The following SLC25A3 variants were observed in gnomAD, a reference collection of about 807,000 sequenced individuals.
SLC25A3 encodes solute carrier family 25 member 3.
A neutral mutation model predicts 37.1 loss-of-function variants in SLC25A3; 14 were observed. That is an observed-to-expected ratio of 0.38 (90% CI 0.25 to 0.59). The LOEUF is 0.59. SLC25A3 is among the 20% of genes least tolerant of loss of function. SLC25A3 has a pLI of 0.67. For synonymous variants in SLC25A3, 161 were observed against 168.7 expected (o/e 0.95, Z 0.36); for missense variants, 385 against 458.1 (o/e 0.84, Z 1.46).
At chr12:98,596,661 A>G (rs554332524) in intron 3 of SLC25A3, among the ~76,000 whole-genome samples, 1 of 152,288 alleles carries the variant, frequency 6.6e-6, no homozygotes, top group South Asian at 2.1e-4. Flanking sequence ...AAGCTACTTA[A>G]AGAACTAGCA....
intron 3 of SLC25A3, chr12:98,597,505 T>G (rs891331721): frequency 2.3e-5 from 6 of 265,964 alleles, no homozygotes; most frequent in Non-Finnish European, 4.4e-5. Flanking sequence ...TCCACCTCCC[T>G]CCCTCAGGCT....
Position 98,601,162 on chromosome 12 carries a change from T to G in SLC25A3, c.815-9T>G, listed in dbSNP as rs2097597536. 2 of 1,611,684 alleles carry G rather than the reference T, an allele frequency of 1.2e-6. No individual in the cohort carries two copies. The highest frequency in any genetic ancestry group is 1.7e-6 in the Non-Finnish European group (2 of 1,179,190). ...CTGGCACTGTATGGGATCCTTTATC[T>G]TTTTTCAGCTGGAGTCTTTTGTGCA... On this transcript the variant is annotated splice_polypyrimidine_tract_variant and intron_variant, in intron 6 of 7. Coordinates refer to ENST00000552981, the MANE Select transcript of SLC25A3 (RefSeq NM_002635.4).
chr12:98,595,511 C>T (rs1199322592), intron 2 of SLC25A3: 3 of 1,613,780 alleles, frequency 1.9e-6, no homozygotes, highest in East Asian at 2.2e-5. Flanking sequence ...TGTGGCACAA[C>T]ACATACAGCA....
chr12:98,602,566 A>G lies in SLC25A3; in HGVS notation c.*1038A>G, dbSNP rs2097598741. ...AATGCCACTGGGGAAAAAGCATTCC[A>G]TCATACTTAGATACGAGATTGGATT... is the stretch of plus-strand genomic sequence containing the variant. On this transcript the variant is annotated 3_prime_UTR_variant, in exon 8 of 8. Transcript: ENST00000552981. 1 of 152,222 alleles carries G rather than the reference A, an allele frequency of 6.6e-6. No homozygotes were observed. The highest frequency in any genetic ancestry group is 2.4e-5 in the African/African-American group (1 of 41,468). The allele number at this position is 152,222 out of a possible 1,614,324, so 9.4% of individuals were successfully genotyped here. A position where few individuals can be genotyped will look rare whatever the true frequency, so the allele number is the denominator to read the frequency against.
rs775655572 is a variant in SLC25A3 at position 98,598,707 on chromosome 12, A to G, written c.641+4A>G. 6.2e-7 allele frequency: 1 copy of G among 1,611,952 alleles called. No individual in the cohort carries two copies. Among genetic ancestry groups the G allele is most frequent in the Admixed American group, 1.7e-5 (1 of 59,996 alleles). On this transcript the variant is annotated splice_donor_region_variant and intron_variant, in intron 5 of 7. Transcript: ENST00000552981. The stretch of plus-strand genomic sequence containing the variant: ...ATAAGGAAGAAGGCCTAAAAGCGTA[A>G]GTAAACACTTAAAAATTTATACTAT...
In SLC25A3 at chr12:98,595,202, A is replaced by G. The variant is rs2097591917; in HGVS notation, c.158-525A>G. 7.4e-6 allele frequency: 4 copies of G among 542,700 alleles called. No homozygotes were observed. In the Admixed American group the frequency reaches 9.6e-5, roughly 13 times the overall value. The allele number at this position is 542,700 out of a possible 1,614,324, so 33.6% of individuals were successfully genotyped here. On this transcript the variant is annotated intron_variant, in intron 2 of 7. Transcript: ENST00000552981. ...AAGCCGTTAATGTAGAAAACTTTTA[A>G]AAAAATTAATATGGCAGAATACGAG...
In SLC25A3 at chr12:98,598,657, T is replaced by C. The variant is rs113045059; in HGVS notation, c.595T>C (p.Leu199=). The change falls in exon 5 of 8, where the codon TTG becomes CTG. Residue 199 remains leucine (L), a synonymous_variant. Coordinates refer to ENST00000552981, the MANE Select transcript of SLC25A3 (RefSeq NM_002635.4). ...IQTQPGYANT[L]RDAAPKMYKE... The stretch of plus-strand genomic sequence containing the variant: ...AACCCAGCCAGGTTATGCCAACACT[T>C]TGAGGGATGCAGCTCCCAAAATGTA... 1.9e-4 allele frequency: 306 copies of C among 1,614,124 alleles called. 2 individuals are homozygous for C. The African/African-American group carries it at 3.6e-3, about 19-fold the overall frequency.
At position 98,601,524 on chromosome 12, in the gene SLC25A3, A is replaced by C; in HGVS notation, c.1082A>C (p.Gln361Pro). Residue 361 changes from glutamine to proline, a missense_variant, in exon 8 of 8, where the codon CAG (glutamine) becomes CCG (proline). Coordinates refer to ENST00000552981, the MANE Select transcript of SLC25A3 (RefSeq NM_002635.4). ...ESLKKKLGLT[Q>P] The stretch of plus-strand genomic sequence containing the variant: ...CTGAAGAAGAAGCTTGGGTTAACTC[A>C]GTAGTTAGATCAAAGCAAATGTGGA... The C allele has an allele frequency of 1.9e-6, 3 of 1,605,286 alleles. No homozygotes were observed. The highest frequency in any genetic ancestry group is 2.6e-6 in the Non-Finnish European group (3 of 1,171,918).
chr12:98,601,710 T>C lies in SLC25A3; in HGVS notation c.*182T>C. Reference sequence around the variant, plus strand: ...TGAAATAAACCCAACTCTTCATGATTTGCCTGTGACTTATTTTTAAAACTT... The same window carrying C: ...TGAAATAAACCCAACTCTTCATGATCTGCCTGTGACTTATTTTTAAAACTT... On this transcript the variant is annotated 3_prime_UTR_variant, in exon 8 of 8. Coordinates refer to ENST00000552981, the MANE Select transcript of SLC25A3 (RefSeq NM_002635.4). 1 of 610,788 alleles carries C rather than the reference T, an allele frequency of 1.6e-6. No individual in the cohort carries two copies. Among genetic ancestry groups the C allele is most frequent in the Admixed American group, 2.9e-5 (1 of 33,910 alleles). The allele number at this position is 610,788 out of a possible 1,614,324, so 37.8% of individuals were successfully genotyped here. A position where few individuals can be genotyped will look rare whatever the true frequency, so the allele number is the denominator to read the frequency against.
At chr12:98,600,254 C>G (rs1343237801) in intron 6 of SLC25A3, 127 bp downstream of exon 6, 2 of 727,352 alleles carry the variant, frequency 2.7e-6, no homozygotes, top group Non-Finnish European at 4.8e-6. Flanking sequence ...TTTGGTTTCC[C>G]TGAGGCATAG....
rs184761013 is a variant in SLC25A3, at chr12:98,605,634, A to G, written c.*4106A>G. On this transcript the variant is annotated 3_prime_UTR_variant, in exon 8 of 8. Transcript: ENST00000552981. The stretch of plus-strand genomic sequence containing the variant: ...GGAGTTCAAGAACAGCCTGGCCAAC[A>G]TGATGAAACCCCAGGTCTCTACTAA... 5.9e-5 allele frequency: 9 copies of G among 152,204 alleles called. No individual in the cohort carries two copies. Among genetic ancestry groups the G allele is most frequent in the African/African-American group, 2.2e-4 (9 of 41,526 alleles). The allele number at this position is 152,204 out of a possible 1,614,324, so 9.4% of individuals were successfully genotyped here.
At chr12:98,595,611 T>C in intron 2 of SLC25A3, 116 bp from the exon 3 acceptor site, 2 of 1,612,306 alleles carry the variant, frequency 1.2e-6, no homozygotes, top group East Asian at 4.5e-5. Flanking sequence ...ACTGTTAAGT[T>C]ATAAGATATA....
intron 2 of SLC25A3, chr12:98,595,500 C>T: frequency 2.5e-6 from 4 of 1,613,806 alleles, no homozygotes; most frequent in Non-Finnish European, 3.4e-6. Context: ...GAATTATTAG[C>T]TGTGGCACAA....
rs1245158313 is a variant in SLC25A3 at position 98,593,706 on chromosome 12, C to T, written c.-39C>T. 1.8e-5 allele frequency: 10 copies of T among 551,396 alleles called. No homozygotes were observed. Among genetic ancestry groups the T allele is most frequent in the African/African-American group, 3.8e-5 (2 of 52,840 alleles). 34.2% of individuals were successfully genotyped at this position (551,396 alleles called of 1,614,324 possible). ...CCGGCCTCTGTGAGCCGCAACCTTT[C>T]CAAGGGAGTGGTTGTGTGATCGCCA... On this transcript the variant is annotated 5_prime_UTR_variant, in exon 1 of 8. Transcript: ENST00000552981.
At chr12:98,595,068 A>C (rs907464399) in intron 2 of SLC25A3, 7 of 270,928 alleles carry the variant, frequency 2.6e-5, no homozygotes, top group African/African-American at 1.5e-4. Flanking sequence ...TAAACTTTGA[A>C]GTTGTTTGCA....
At chr12:98,596,296 CTTGT>C (rs1209961931) in intron 3 of SLC25A3, among the ~76,000 whole-genome samples, 6 of 152,178 alleles carry the variant, frequency 3.9e-5, no homozygotes, top group African/African-American at 7.2e-5. Context: ...AGATTAGCCT[CTTGT>C]TTATTTACAC....
rs370367708 is a variant in SLC25A3, at chr12:98,594,125, C to G, written c.147C>G (p.Ala49=). The G allele has an allele frequency of 2.5e-6, 4 of 1,610,666 alleles. No homozygotes were observed. In the South Asian group the frequency reaches 4.4e-5, roughly 18 times the overall value. Residue 49 remains alanine (A), a synonymous_variant, in exon 2 of 8, where the codon GCC becomes GCG. Transcript: ENST00000552981. ...QPRRPRNLAA[A]AVEEYSCEFG... ...GCCGCCCTCGCAACCTGGCAGCCGC[C>G]GCCGTGGAAGGTGAGATCAGACCCT...
chr12:98,601,060 T>G, intron 6 of SLC25A3, 111 bp from the exon 7 acceptor site: 1 of 1,297,442 alleles, frequency 7.7e-7, no homozygotes, highest in Admixed American at 2.1e-5. Context: ...CTGAGTCTGA[T>G]TTTTATTTTA....
At chr12:98,595,368 A>C in intron 2 of SLC25A3, 1 of 1,578,866 alleles carries the variant, frequency 6.3e-7, no homozygotes, top group East Asian at 2.2e-5. Context: ...ATTTTCTTTC[A>C]TTCCAGTGGC....
Sources: allele counts gnomAD v4.1 joint callset (sites outside exome capture counted in the v4.1 genomes callset), GRCh38; gene constraint gnomAD v4.1.1; transcripts MANE v1.5; gene names NCBI Gene and HGNC (gene_info 2026-07-23, HGNC 2026-07-21).